The following DAO variants were observed in gnomAD, a reference collection of about 807,000 sequenced individuals.
DAO encodes the protein D-amino acid oxidase, also known as D-amino-acid oxidase.
DAO carries 51 observed loss-of-function variants against 50.1 expected under a neutral mutation model. The observed-to-expected ratio is 1.02, with a 90% CI of 0.81 to 1.29. DAO has a LOEUF of 1.29. Among genes scored for constraint, DAO ranks in the 50% most tolerant of loss-of-function variants. The probability of loss-of-function intolerance (pLI) is 0.00; values close to 1 mark genes in which losing one functional copy is unlikely to be tolerated. For synonymous variants in DAO, 160 were observed against 166.2 expected, an observed-to-expected ratio of 0.96 and a Z score of 0.29; for missense variants, 436 against 439.4, an observed-to-expected ratio of 0.99 and a Z score of 0.07.
chr12:108,895,382 GGT>G (rs1349549318), intron 7 of DAO, among the ~76,000 whole-genome samples: 4 of 125,606 alleles, frequency 3.2e-5, no homozygotes, highest in South Asian at 2.8e-4. Context: ...CATATGTGAT[GGT>G]GTGTGCACAT....
chr12:108,895,702 G>A (rs1321821107), intron 7 of DAO, among the ~76,000 whole-genome samples: 2 of 147,234 alleles, frequency 1.4e-5, no homozygotes, highest in African/African-American at 5.0e-5. Context: ...GCATGCATGT[G>A]TGTGAGGGGT....
chr12:108,900,767 CTGAGG>C lies in DAO; in HGVS notation c.*233_*237del, dbSNP rs2039614457. On this transcript the variant is annotated 3_prime_UTR_variant, in exon 11 of 11. Coordinates refer to ENST00000228476, the MANE Select transcript of DAO (RefSeq NM_001917.5). ...CTGGGTCTGGCATTATAAAGAACAGCTGAGGCTGTCATTCCATGAGTCTTCAGAAG... is the reference window on the plus strand; with the variant it reads ...CTGGGTCTGGCATTATAAAGAACAGCCTGTCATTCCATGAGTCTTCAGAAG... 2.1e-6 allele frequency: 1 copy of C among 467,686 alleles called. No homozygotes were observed. The highest frequency in any genetic ancestry group is 2.0e-5 in the African/African-American group (1 of 50,478). The allele number at this position is 467,686 out of a possible 1,614,324, so 29.0% of individuals were successfully genotyped here. A position where few individuals can be genotyped will look rare whatever the true frequency, so the allele number is the denominator to read the frequency against.
In DAO at chr12:108,885,071, G is replaced by A. The variant is rs200257378; in HGVS notation, c.65G>A (p.Arg22His). The change falls in exon 2 of 11, where the codon CGC (arginine) becomes CAC (histidine). Residue 22 changes from arginine (R) to histidine (H), a missense_variant. Transcript: ENST00000228476. Reference protein sequence around the residue: ...GLSTALCIHERYHSVLQPLDI... With the variant: ...GLSTALCIHEHYHSVLQPLDI... ...TCCACCGCCCTCTGCATCCATGAGC[G>A]CTACCACTCAGTCCTGCAGCCACTG... is the stretch of plus-strand genomic sequence containing the variant. 9.5e-5 allele frequency: 154 copies of A among 1,614,130 alleles called. No homozygotes were observed. The East Asian group carries it at 1.6e-3, about 16-fold the overall frequency.
intron 7 of DAO, among the ~76,000 whole-genome samples, chr12:108,896,565 A>C (rs2039562606): frequency 6.6e-6 from 1 of 152,076 alleles, no homozygotes; most frequent in Admixed American, 6.6e-5. Flanking sequence ...TTAGGGAAGA[A>C]AGCCTAACTT....
chr12:108,900,288 C>T (rs2039607540), intron 10 of DAO, 116 bp from the exon 11 acceptor site: 1 of 1,365,790 alleles, frequency 7.3e-7, no homozygotes, highest in South Asian at 1.2e-5. Flanking sequence ...CAGGTGGCAT[C>T]TGGCTTTGCC....
At position 108,900,977 on chromosome 12, in the gene DAO, A is replaced by G. The variant is rs540674428; in HGVS notation, c.*442A>G. 2 of 223,584 alleles carry G rather than the reference A, an allele frequency of 8.9e-6. No individual in the cohort carries two copies. Among genetic ancestry groups the G allele is most frequent in the South Asian group, 6.7e-5 (1 of 14,846 alleles). The allele number at this position is 223,584 out of a possible 1,614,324, so 13.9% of individuals were successfully genotyped here. ...CAGTGCTTGCTAAACCTATCTGGCT[A>G]TGGAACTCTTTTGCCCAGAGCACCC... On this transcript the variant is annotated 3_prime_UTR_variant, in exon 11 of 11. Coordinates refer to ENST00000228476, the MANE Select transcript of DAO (RefSeq NM_001917.5).
At chr12:108,887,791 G>T (rs915828547) in intron 3 of DAO, among the ~76,000 whole-genome samples, 1 of 152,202 alleles carries the variant, frequency 6.6e-6, no homozygotes, top group Non-Finnish European at 1.5e-5. Context: ...ATCTTCTGAT[G>T]CCCAGGGGAA....
In DAO at chr12:108,880,169, C is replaced by A. The variant is rs1424718125; in HGVS notation, c.-65C>A. On this transcript the variant is annotated 5_prime_UTR_variant, in exon 1 of 11. Transcript: ENST00000228476. ...TCAGGAGCTTCCCCTCAGGAAATAGCATCCTGTGTCCCCGCACTGCAGTTG... is the reference window on the plus strand; with the variant it reads ...TCAGGAGCTTCCCCTCAGGAAATAGAATCCTGTGTCCCCGCACTGCAGTTG... The A allele has an allele frequency of 2.2e-6, 1 of 456,302 alleles. No individual in the cohort carries two copies. The highest frequency in any genetic ancestry group is 4.4e-6 in the Non-Finnish European group (1 of 226,768). 28.3% of individuals were successfully genotyped at this position (456,302 alleles called of 1,614,324 possible).
At position 108,898,682 on chromosome 12, in the gene DAO, C is replaced by T; in HGVS notation, c.699C>T (p.Thr233=). The T allele has an allele frequency of 1.2e-6, 2 of 1,606,430 alleles. No homozygotes were observed. The highest frequency in any genetic ancestry group is 1.7e-4 in the Middle Eastern group (1 of 6,044). ...GACCCTCCTCATTTGTATCTAGGAC[C>T]CAGACAGTTACTCTTGGAGGCATCT... The part of the protein sequence containing the change: ...IYNSPYIIPG[T]QTVTLGGIFQ... Residue 233 remains threonine (T), a synonymous_variant, in exon 9 of 11, where the codon ACC becomes ACT. Transcript: ENST00000228476.
At chr12:108,883,517 G>T in intron 1 of DAO, 1 of 408,558 alleles carries the variant, frequency 2.4e-6, no homozygotes, top group Non-Finnish European at 5.0e-6. Flanking sequence ...AGACAGGAAG[G>T]AGGCTGCTGT....
At chr12:108,888,620 C>G (rs769923814) in intron 3 of DAO, among the ~76,000 whole-genome samples, 38 of 152,270 alleles carry the variant, frequency 2.5e-4, no homozygotes, top group Non-Finnish European at 4.3e-4. Flanking sequence ...AGGCGTGAAC[C>G]ACTGCACCCG....
At chr12:108,880,819 A>G (rs544545923) in intron 1 of DAO, among the ~76,000 whole-genome samples, 170 of 152,192 alleles carry the variant, frequency 1.1e-3, no homozygotes, top group African/African-American at 4.0e-3. Flanking sequence ...GGGAGGTCCT[A>G]GGCAGATAAA....
At chr12:108,897,148 T>C in intron 8 of DAO, 60 bp downstream of exon 8, 2 of 1,217,918 alleles carry the variant, frequency 1.6e-6, no homozygotes, top group African/African-American at 1.5e-5. Context: ...TTCATGACCC[T>C]GCTGCCTCCC....
intron 8 of DAO, 50 bp downstream of exon 8, chr12:108,897,138 T>G (rs759267411): frequency 7.5e-7 from 1 of 1,332,760 alleles, no homozygotes; most frequent in South Asian, 1.2e-5. Context: ...TCATGCCCTC[T>G]TCATGACCCT....
intron 3 of DAO, 29 bp downstream of exon 3, chr12:108,887,593 A>G (rs1431041355): frequency 6.6e-7 from 1 of 1,523,762 alleles, no homozygotes. Context: ...ACCATGAGGG[A>G]TGAGCACCCA....
At position 108,899,360 on chromosome 12, in the gene DAO, A is replaced by G. The variant is rs73410968; in HGVS notation, c.814-17A>G. ...AAAAAAAATCCAGAAATGAGTGATC[A>G]GCACTTTTCTTTCCAGAATGCAAGA... On this transcript the variant is annotated splice_polypyrimidine_tract_variant and intron_variant, in intron 9 of 10. Coordinates refer to ENST00000228476, the MANE Select transcript of DAO (RefSeq NM_001917.5). 903 of 1,604,556 alleles carry G rather than the reference A, an allele frequency of 5.6e-4. 10 individuals carry two copies. The African/African-American group carries it at 0.011, about 20-fold the overall frequency.
chr12:108,896,444 T>TAAAAAAAAAAAAAAA (rs2039558339), intron 7 of DAO, among the ~76,000 whole-genome samples: 5 of 119,706 alleles, frequency 4.2e-5, no homozygotes, highest in African/African-American at 1.7e-4. Flanking sequence ...AAAAAAAAAT[T>TAAAAAAAAAAAAAAA]GAAGGTTTGA....
At chr12:108,888,027 A>G (rs2039453413) in intron 3 of DAO, among the ~76,000 whole-genome samples, 2 of 152,334 alleles carry the variant, frequency 1.3e-5, no homozygotes, top group Non-Finnish European at 2.9e-5. Flanking sequence ...TATAACCGGG[A>G]GGTAAGGGCT....
At chr12:108,887,306 G>T in intron 2 of DAO, 144 bp from the exon 3 acceptor site, 1 of 755,628 alleles carries the variant, frequency 1.3e-6, no homozygotes, top group South Asian at 1.4e-5. Context: ...GGCATTTGGG[G>T]AGTTGCAGGA....
Sources: allele counts gnomAD v4.1 joint callset (sites outside exome capture counted in the v4.1 genomes callset), GRCh38; gene constraint gnomAD v4.1.1; transcripts MANE v1.5; gene names NCBI Gene and HGNC (gene_info 2026-07-23, HGNC 2026-07-21).